The following DGKI variants were observed in gnomAD, a reference collection of about 807,000 sequenced individuals.
DGKI encodes diacylglycerol kinase iota, also known as DAG kinase iota.
A neutral mutation model predicts 147.5 loss-of-function variants in DGKI; 55 were observed. That is an observed-to-expected ratio of 0.37 (90% CI 0.30 to 0.47). The LOEUF (loss-of-function observed/expected upper bound fraction) is 0.47, where lower values mean the gene tolerates loss of function less well. Among genes scored for constraint, DGKI ranks in the 20% least tolerant of loss-of-function variants. The pLI, the probability that DGKI is intolerant of heterozygous loss-of-function variation, is 1.00. For synonymous variants in DGKI, 469 were observed against 477.1 expected (o/e 0.98, Z 0.22); for missense variants, 1,007 against 1,323.8 (o/e 0.76, Z 3.71).
At chr7:137,737,204 C>CAAAA (rs763572711) in intron 1 of DGKI, among the ~76,000 whole-genome samples, 77 of 83,034 alleles carry the variant, frequency 9.3e-4, no homozygotes, top group Middle Eastern at 8.3e-3. Context: ...CTCATTTCAC[C>CAAAA]AAAAAAAAAA....
Position 137,638,605 on chromosome 7 carries a change from T to TATACAC in DGKI, c.804+6866_804+6867insGTGTAT, listed in dbSNP as rs1821480582. Among the ~76,000 whole-genome samples, 8 of 14,268 alleles carry TATACAC rather than the reference T, an allele frequency of 5.6e-4. 1 individual carries two copies. The highest frequency in any genetic ancestry group is 1.9e-3 in the African/African-American group (3 of 1,562). 9.4% of individuals were successfully genotyped at this position (14,268 alleles called of 152,430 possible). ...ATATACACATATATACATATATGTA[T>TATACAC]ATATATACACACACACATATATATG... On this transcript the variant is annotated intron_variant, in intron 6 of 32. Transcript: ENST00000614521.
chr7:137,450,593 G>A (rs183466036), intron 27 of DGKI, among the ~76,000 whole-genome samples: 9 of 152,040 alleles, frequency 5.9e-5, no homozygotes, highest in East Asian at 1.9e-4. Context: ...GTGGTGGCAC[G>A]CGCCTATAAT....
chr7:137,495,920 C>A (rs1031922667), intron 21 of DGKI, among the ~76,000 whole-genome samples: 72 of 152,162 alleles, frequency 4.7e-4, no homozygotes, highest in African/African-American at 1.7e-3. Context: ...TGCTCACTCT[C>A]ACCACTTCTA....
intron 1 of DGKI, among the ~76,000 whole-genome samples, chr7:137,733,064 A>AT (rs551938153): frequency 1.9e-3 from 276 of 147,890 alleles, no homozygotes; most frequent in East Asian, 5.5e-3. Context: ...AACCTTTGAA[A>AT]TTTTTTTTTT....
intron 12 of DGKI, among the ~76,000 whole-genome samples, chr7:137,591,566 A>G (rs943007992): frequency 6.6e-6 from 1 of 152,136 alleles, no homozygotes; most frequent in Admixed American, 6.5e-5. Flanking sequence ...TGGGGCACCG[A>G]GCTGAGCGGC....
chr7:137,517,252 A>AAGAAAGAAAGAAAGAAAGAAAG lies in DGKI; in HGVS notation c.2248+4613_2248+4614insCTTTCTTTCTTTCTTTCTTTCT, dbSNP rs1554421179. Among the ~76,000 whole-genome samples the AAGAAAGAAAGAAAGAAAGAAAG allele has an allele frequency of 3.9e-5, 5 of 129,086 alleles. 1 individual carries two copies. The highest frequency in any genetic ancestry group is 2.3e-4 in the East Asian group (1 of 4,324). 84.7% of individuals were successfully genotyped at this position (129,086 alleles called of 152,430 possible). On this transcript the variant is annotated intron_variant, in intron 21 of 32. Coordinates refer to ENST00000614521, the MANE Select transcript of DGKI (RefSeq NM_001321708.2). The stretch of plus-strand genomic sequence containing the variant: ...AAGAAAGAAAGAAAGAAAGAAAAGA[A>AAGAAAGAAAGAAAGAAAGAAAG]AAAGAAAGAAAGAAAGAAAGAAAAG...
chr7:137,656,433 G>A, intron 4 of DGKI, 33 bp downstream of exon 4: 2 of 1,610,968 alleles, frequency 1.2e-6, no homozygotes, highest in Admixed American at 1.7e-5. Flanking sequence ...TACTTGCAAT[G>A]TAACAAAACT....
chr7:137,623,636 T>G, intron 6 of DGKI, 82 bp from the exon 7 acceptor site: 1 of 1,242,574 alleles, frequency 8.0e-7, no homozygotes, highest in South Asian at 1.2e-5. Flanking sequence ...TGCAATGACG[T>G]GAATAAGGCC....
chr7:137,499,509 C>A (rs1816095774), intron 21 of DGKI, among the ~76,000 whole-genome samples: 1 of 152,076 alleles, frequency 6.6e-6, no homozygotes, highest in Admixed American at 6.6e-5. Flanking sequence ...ATCGTGTCAT[C>A]CAATCTGCTT....
rs1174629273 is a variant in DGKI at position 137,383,534 on chromosome 7, C to A, written c.*7686G>T. 1 of 151,808 alleles carries A rather than the reference C, an allele frequency of 6.6e-6. No individual in the cohort carries two copies. Among genetic ancestry groups the A allele is most frequent in the Non-Finnish European group, 1.5e-5 (1 of 67,878 alleles). 9.4% of individuals were successfully genotyped at this position (151,808 alleles called of 1,614,324 possible). On this transcript the variant is annotated 3_prime_UTR_variant, in exon 33 of 33. Coordinates refer to ENST00000614521, the MANE Select transcript of DGKI (RefSeq NM_001321708.2). ...AGACATTTAAACCAAGAAAATCTCA[C>A]AGAGTTTTTCTAGTCCAAGATCTCT... is the stretch of plus-strand genomic sequence containing the variant.
At chr7:137,488,743 T>C (rs1815658439) in intron 21 of DGKI, among the ~76,000 whole-genome samples, 1 of 152,062 alleles carries the variant, frequency 6.6e-6, no homozygotes, top group Non-Finnish European at 1.5e-5. Context: ...TACTAGGGCC[T>C]TAAAAATTCA....
intron 21 of DGKI, among the ~76,000 whole-genome samples, chr7:137,493,057 C>T (rs570976203): frequency 6.6e-6 from 1 of 152,250 alleles, no homozygotes; most frequent in South Asian, 2.1e-4. Flanking sequence ...TGCCAGCAGA[C>T]CTTGCCTACC....
In DGKI at chr7:137,465,942, C is replaced by G; in HGVS notation, c.2578G>C (p.Gly860Arg). The change falls in exon 26 of 33, where the codon GGC becomes CGC. Residue 860 changes from glycine (G) to arginine (R), a missense_variant. This residue lies in a region of DGKI where 385 missense variants were observed against 445.2 expected (regional missense o/e 0.86). Transcript: ENST00000614521. ...TGTTCCACCACCAGGTCAGGCATGC[C>G]CGGAGGTGTCCCCGCCGGCTGTGAC... ...VVSQPAGTPP[G>R]MPDLVVEQAS... 1 of 1,614,122 alleles carries G rather than the reference C, an allele frequency of 6.2e-7. No homozygotes were observed. The highest frequency in any genetic ancestry group is 1.1e-5 in the South Asian group (1 of 91,082).
At chr7:137,422,530 CATT>C (rs765571916) in intron 28 of DGKI, among the ~76,000 whole-genome samples, 16 of 147,652 alleles carry the variant, frequency 1.1e-4, no homozygotes, top group South Asian at 4.3e-4. Context: ...GTTAGACAAA[CATT>C]AAGCTTTCAA....
chr7:137,764,047 C>T (rs1795936081), intron 1 of DGKI, among the ~76,000 whole-genome samples: 1 of 152,220 alleles, frequency 6.6e-6, no homozygotes, highest in Non-Finnish European at 1.5e-5. Flanking sequence ...AGTGATGGCT[C>T]CCACATGGAC....
In DGKI at chr7:137,407,912, G is replaced by T; in HGVS notation, c.2883C>A (p.Thr961=). 1.2e-6 allele frequency: 2 copies of T among 1,614,080 alleles called. No homozygotes were observed. The highest frequency in any genetic ancestry group is 1.7e-6 in the Non-Finnish European group (2 of 1,179,968). The change falls in exon 30 of 33, where the codon ACC becomes ACA. Residue 961 remains threonine, a synonymous_variant. Coordinates refer to ENST00000614521, the MANE Select transcript of DGKI (RefSeq NM_001321708.2). ...HCSLLHYAAK[T]GNGEIVKYIL... ...TATATTTCACAATCTCCCCGTTGCC[G>T]GTTTTAGCTGCGTAGTGAAGGAGTG...
chr7:137,824,107 A>G (rs1272418846), intron 1 of DGKI, among the ~76,000 whole-genome samples: 1 of 152,222 alleles, frequency 6.6e-6, no homozygotes, highest in Non-Finnish European at 1.5e-5. Context: ...AAAAATTACC[A>G]AACAGCACTT....
intron 29 of DGKI, among the ~76,000 whole-genome samples, chr7:137,408,965 T>C (rs1812062587): frequency 6.6e-6 from 1 of 152,156 alleles, no homozygotes; most frequent in Non-Finnish European, 1.5e-5. Context: ...ATGGCACACA[T>C]TATAGATAAT....
chr7:137,788,932 GTCT>G (rs1443558904), intron 1 of DGKI, among the ~76,000 whole-genome samples: 11 of 151,526 alleles, frequency 7.3e-5, no homozygotes, highest in Admixed American at 7.2e-4. Flanking sequence ...TTTCTTTTTT[GTCT>G]TCTTATGCAA....
Sources: gnomAD v4.1 joint callset for allele counts (sites outside exome capture counted in the v4.1 genomes callset) on GRCh38, gnomAD v4.1.1 for gene constraint, gnomAD v4.1.1 regional missense constraint, MANE v1.5 for transcripts, NCBI Gene and HGNC (gene_info 2026-07-23, HGNC 2026-07-21) for gene names.